Variants in ADAMTSL1 observed in about 807,000 individuals in gnomAD.
ADAMTSL1 encodes ADAMTS like 1, also known as ADAMTS-like protein 1.
In ADAMTSL1, 126 loss-of-function variants were observed where a neutral mutation model predicts 201.8. The observed-to-expected ratio is 0.62, with a 90% CI of 0.54 to 0.72. The LOEUF (loss-of-function observed/expected upper bound fraction) is 0.72, where lower values mean the gene tolerates loss of function less well. Ranked by LOEUF, ADAMTSL1 falls within the 30% of genes least tolerant of loss-of-function variation. The probability of loss-of-function intolerance (pLI) is 0.00; values close to 1 mark genes in which losing one functional copy is unlikely to be tolerated. For missense variants in ADAMTSL1, 2,679 were observed against 2,277.8 expected, an observed-to-expected ratio of 1.18 and a Z score of -3.59; for synonymous variants, 1,121 against 903.4, an observed-to-expected ratio of 1.24 and a Z score of -4.32.
At chr9:18,890,886 T>G (rs760139159) in intron 25 of ADAMTSL1, 23 of 267,778 alleles carry the variant, frequency 8.6e-5, no homozygotes, top group South Asian at 1.6e-4. Flanking sequence ...AGGAACTTTC[T>G]GACTTGATTT....
At chr9:18,732,109 C>T (rs1278224563) in intron 15 of ADAMTSL1, among the ~76,000 whole-genome samples, 1 of 152,174 alleles carries the variant, frequency 6.6e-6, no homozygotes. Flanking sequence ...CTAGTTCCTA[C>T]CTCATAGAGC....
intron 15 of ADAMTSL1, among the ~76,000 whole-genome samples, chr9:18,727,688 T>C (rs193301927): frequency 6.6e-6 from 1 of 152,358 alleles, no homozygotes; most frequent in East Asian, 1.9e-4. Flanking sequence ...TTTTCCTAGA[T>C]ATTCTTTTCC....
intron 2 of ADAMTSL1, among the ~76,000 whole-genome samples, chr9:18,409,782 A>G (rs1818358128): frequency 2.7e-5 from 4 of 150,278 alleles, no homozygotes. Context: ...CATACATGTT[A>G]TGACTCTCTA....
chr9:18,731,994 A>T (rs1232116048), intron 15 of ADAMTSL1, among the ~76,000 whole-genome samples: 1 of 152,180 alleles, frequency 6.6e-6, no homozygotes, highest in Non-Finnish European at 1.5e-5. Context: ...TCAGCTGGCC[A>T]CGTTACCTCT....
chr9:18,644,740 G>C (rs1389914633), intron 7 of ADAMTSL1, among the ~76,000 whole-genome samples: 1 of 152,004 alleles, frequency 6.6e-6, no homozygotes, highest in Admixed American at 6.6e-5. Context: ...TGGCTGCATA[G>C]TATTCCATGG....
intron 1 of ADAMTSL1, among the ~76,000 whole-genome samples, chr9:18,107,281 A>C (rs913891213): frequency 6.6e-6 from 1 of 152,180 alleles, no homozygotes; most frequent in Non-Finnish European, 1.5e-5. Flanking sequence ...CTCCTAATCC[A>C]GCAGTTTTAC....
At chr9:18,826,015 C>A in intron 21 of ADAMTSL1, 1 of 583,102 alleles carries the variant, frequency 1.7e-6, no homozygotes, top group Non-Finnish European at 3.0e-6. Flanking sequence ...CCTGTCTCAT[C>A]ACTGTAAGTT....
intron 2 of ADAMTSL1, among the ~76,000 whole-genome samples, chr9:18,506,900 A>G (rs915800761): frequency 3.9e-5 from 6 of 152,200 alleles, no homozygotes; most frequent in Admixed American, 3.3e-4. Flanking sequence ...TCCAAATCCA[A>G]CAAGAATATA....
At chr9:18,419,155 A>C (rs1452214859) in intron 2 of ADAMTSL1, among the ~76,000 whole-genome samples, 1 of 152,226 alleles carries the variant, frequency 6.6e-6, no homozygotes, top group African/African-American at 2.4e-5. Context: ...AAATAAAGCA[A>C]AACTCTCAAC....
intron 1 of ADAMTSL1, among the ~76,000 whole-genome samples, chr9:17,960,883 C>G (rs531593627): frequency 1.3e-5 from 2 of 152,302 alleles, no homozygotes; most frequent in East Asian, 1.9e-4. Flanking sequence ...TATGTCAGGT[C>G]TCTGGACTGT....
intron 24 of ADAMTSL1, among the ~76,000 whole-genome samples, 183 bp from the exon 25 acceptor site, chr9:18,889,385 G>C (rs114708376): frequency 6.6e-6 from 1 of 152,252 alleles, no homozygotes; most frequent in East Asian, 1.9e-4. Context: ...TAGAGACCAC[G>C]TGACTTCCCC....
Position 18,639,501 on chromosome 9 carries a change from A to C in ADAMTSL1, c.834+90A>C. The C allele has an allele frequency of 2.0e-6, 3 of 1,490,252 alleles. 1 individual carries two copies. Among genetic ancestry groups the C allele is most frequent in the Non-Finnish European group, 2.7e-6 (3 of 1,105,066 alleles). The allele number at this position is 1,490,252 out of a possible 1,614,324, so 92.3% of individuals were successfully genotyped here. ...GAGCAGAGAGCGATTTTTGGTTCTG[A>C]CATATGTTTGGAAAGCCCGTTTGTT... is the stretch of plus-strand genomic sequence containing the variant. On this transcript the variant is annotated intron_variant, in intron 7 of 28. Coordinates refer to ENST00000380548, the MANE Select transcript of ADAMTSL1 (RefSeq NM_001040272.6).
At chr9:18,387,061 GAATA>G (rs1248893518) in intron 2 of ADAMTSL1, among the ~76,000 whole-genome samples, 1 of 151,876 alleles carries the variant, frequency 6.6e-6, no homozygotes, top group Non-Finnish European at 1.5e-5. Flanking sequence ...ATTGTTAGGT[GAATA>G]AATAACTTTC....
intron 2 of ADAMTSL1, among the ~76,000 whole-genome samples, chr9:18,164,743 T>G (rs925806677): frequency 1.3e-5 from 2 of 151,806 alleles, no homozygotes; most frequent in Non-Finnish European, 2.9e-5. Flanking sequence ...AATAACATCT[T>G]AGAATACCCC....
intron 4 of ADAMTSL1, among the ~76,000 whole-genome samples, chr9:18,606,206 C>A (rs1181258555): frequency 2.0e-5 from 3 of 152,082 alleles, no homozygotes; most frequent in African/African-American, 7.2e-5. Context: ...AAGGTAATAA[C>A]CGAGTCAATG....
intron 2 of ADAMTSL1, among the ~76,000 whole-genome samples, chr9:18,444,495 T>G (rs568794430): frequency 1.3e-5 from 2 of 152,286 alleles, no homozygotes; most frequent in African/African-American, 4.8e-5. Context: ...ATTACGTATA[T>G]GTAACATTTC....
At chr9:18,505,639 T>C (rs1823083054) in intron 2 of ADAMTSL1, among the ~76,000 whole-genome samples, 1 of 152,226 alleles carries the variant, frequency 6.6e-6, no homozygotes, top group Admixed American at 6.5e-5. Context: ...CTGTGTGGTC[T>C]ATGACTAGAT....
intron 15 of ADAMTSL1, among the ~76,000 whole-genome samples, chr9:18,734,435 G>T (rs532622424): frequency 1.3e-5 from 2 of 152,118 alleles, no homozygotes; most frequent in African/African-American, 4.8e-5. Flanking sequence ...CTAATCCTTG[G>T]GAGGGTGGGC....
At chr9:18,753,645 TC>T in intron 16 of ADAMTSL1, 137 bp downstream of exon 16, 1 of 939,182 alleles carries the variant, frequency 1.1e-6, no homozygotes, top group Admixed American at 2.0e-5. Context: ...TTCTTAGTAC[TC>T]CCCTAACCTG....
Sources: gnomAD v4.1 joint callset for allele counts (sites outside exome capture counted in the v4.1 genomes callset) on GRCh38, gnomAD v4.1.1 for gene constraint, MANE v1.5 for transcripts, NCBI Gene and HGNC (gene_info 2026-07-23, HGNC 2026-07-21) for gene names.